The following METTL8 variants were observed in gnomAD, a reference collection of about 807,000 sequenced individuals.
METTL8 encodes the protein tRNA N(3)-cytidine methyltransferase METTL8, mitochondrial.
METTL8 carries 32 observed loss-of-function variants against 48.7 expected under a neutral mutation model. The ratio of observed to expected loss-of-function variants is 0.66; its 90% confidence interval spans 0.50 to 0.88. METTL8 has a LOEUF of 0.88. METTL8 is among the 40% of genes least tolerant of loss of function. The pLI, the probability that METTL8 is intolerant of heterozygous loss-of-function variation, is 0.00. For missense variants in METTL8, 464 were observed against 474.4 expected (o/e 0.98, Z 0.20); for synonymous variants, 136 against 157.1 (o/e 0.87, Z 1.01).
chr2:171,365,501 T>C (rs1301865555), intron 2 of METTL8, among the ~76,000 whole-genome samples: 3 of 152,200 alleles, frequency 2.0e-5, no homozygotes, highest in East Asian at 1.9e-4. Context: ...AGCAAGCCTC[T>C]GATGCTCTGG....
chr2:171,428,186 T>C (rs1408587321), intron 1 of METTL8, among the ~76,000 whole-genome samples: 1 of 152,204 alleles, frequency 6.6e-6, no homozygotes, highest in African/African-American at 2.4e-5. Context: ...CATTTTCCAA[T>C]CATAAAACTG....
chr2:171,324,877 G>C (rs1299615709), intron 9 of METTL8, among the ~76,000 whole-genome samples: 1 of 152,014 alleles, frequency 6.6e-6, no homozygotes, highest in Non-Finnish European at 1.5e-5. Flanking sequence ...GCCTGGCCAG[G>C]GTGAATCACT....
intron 1 of METTL8, among the ~76,000 whole-genome samples, chr2:171,409,625 G>T (rs996944192): frequency 6.6e-6 from 1 of 152,124 alleles, no homozygotes; most frequent in Non-Finnish European, 1.5e-5. Context: ...CATAGATGGG[G>T]AAATTGTCTT....
At chr2:171,334,060 A>G (rs893352583) in intron 5 of METTL8, among the ~76,000 whole-genome samples, 1 of 149,848 alleles carries the variant, frequency 6.7e-6, no homozygotes, top group Admixed American at 6.7e-5. Flanking sequence ...TTAAAAACTA[A>G]CATAGTCCTC....
At chr2:171,403,885 T>C (rs560617277) in intron 1 of METTL8, among the ~76,000 whole-genome samples, 1 of 151,170 alleles carries the variant, frequency 6.6e-6, no homozygotes, top group African/African-American at 2.4e-5. Flanking sequence ...AGTTTGAATA[T>C]TTTCTCATAG....
intron 3 of METTL8, among the ~76,000 whole-genome samples, chr2:171,352,662 T>C (rs1430378538): frequency 1.3e-5 from 2 of 152,234 alleles, no homozygotes; most frequent in Non-Finnish European, 2.9e-5. Context: ...TATTGGTCTA[T>C]TCAGGGATTC....
At chr2:171,330,486 CTT>C in intron 7 of METTL8, 71 bp downstream of exon 7, 1 of 1,425,938 alleles carries the variant, frequency 7.0e-7, no homozygotes, top group South Asian at 1.3e-5. Flanking sequence ...GTCATTTTTG[CTT>C]TGATAGTTCT....
chr2:171,361,826 G>A (rs1685197409), intron 2 of METTL8, among the ~76,000 whole-genome samples: 1 of 152,112 alleles, frequency 6.6e-6, no homozygotes. Flanking sequence ...TCCATCTTGG[G>A]TTTATATTCT....
chr2:171,327,157 T>C (rs1685041670), intron 7 of METTL8: 2 of 152,250 alleles, frequency 1.3e-5, no homozygotes, highest in Non-Finnish European at 2.9e-5. Flanking sequence ...AAGCCCTAGT[T>C]CAACAGCAGG....
chr2:171,384,327 G>C (rs541209198), intron 2 of METTL8, among the ~76,000 whole-genome samples: 1 of 152,108 alleles, frequency 6.6e-6, no homozygotes, highest in Non-Finnish European at 1.5e-5. Flanking sequence ...GGGCAACATG[G>C]TGAAACCCCA....
chr2:171,415,659 C>A (rs1039540765), intron 1 of METTL8, among the ~76,000 whole-genome samples: 6 of 151,904 alleles, frequency 3.9e-5, no homozygotes, highest in Non-Finnish European at 5.9e-5. Context: ...CTAAAATATT[C>A]TTTTTTCTAT....
intron 1 of METTL8, among the ~76,000 whole-genome samples, chr2:171,408,302 T>G (rs1206931619): frequency 2.6e-5 from 4 of 151,742 alleles, no homozygotes; most frequent in East Asian, 1.9e-4. Context: ...TTTTGTTTTT[T>G]TTTTTTTTTG....
chr2:171,413,422 A>G (rs1690953329), intron 1 of METTL8, among the ~76,000 whole-genome samples: 1 of 152,188 alleles, frequency 6.6e-6, no homozygotes, highest in African/African-American at 2.4e-5. Flanking sequence ...AGACATTGAG[A>G]TTTGCAAAAA....
At chr2:171,367,344 A>G (rs542206986) in intron 2 of METTL8, among the ~76,000 whole-genome samples, 1 of 152,262 alleles carries the variant, frequency 6.6e-6, no homozygotes, top group African/African-American at 2.4e-5. Context: ...AAACAATCAT[A>G]ATGAAGGCAA....
intron 2 of METTL8, among the ~76,000 whole-genome samples, chr2:171,367,710 T>C (rs1685868990): frequency 6.6e-6 from 1 of 152,156 alleles, no homozygotes; most frequent in Non-Finnish European, 1.5e-5. Flanking sequence ...ATTATAGCAT[T>C]TACATATAGA....
At chr2:171,329,725 A>C (rs1259857149) in intron 7 of METTL8, among the ~76,000 whole-genome samples, 1 of 152,260 alleles carries the variant, frequency 6.6e-6, no homozygotes, top group Non-Finnish European at 1.5e-5. Context: ...TTAATTGCAA[A>C]GAAATAAGCA....
chr2:171,342,511 A>G (rs1308204455), intron 3 of METTL8, among the ~76,000 whole-genome samples: 3 of 152,174 alleles, frequency 2.0e-5, no homozygotes, highest in African/African-American at 7.2e-5. Flanking sequence ...CTGATATACT[A>G]TGTAAGAAAA....
At chr2:171,372,486 TTATTA>T (rs1686463610) in intron 2 of METTL8, among the ~76,000 whole-genome samples, 2 of 151,888 alleles carry the variant, frequency 1.3e-5, no homozygotes, top group South Asian at 4.2e-4. Flanking sequence ...CTTTTTATTA[TTATTA>T]TTATTATTAT....
At chr2:171,419,415 G>A (rs1559211720) in intron 1 of METTL8, among the ~76,000 whole-genome samples, 3 of 152,050 alleles carry the variant, frequency 2.0e-5, no homozygotes, top group Non-Finnish European at 4.4e-5. Context: ...GATAACTCCA[G>A]CCTTCCCTTC....
Sources: gnomAD v4.1 joint callset for allele counts (sites outside exome capture counted in the v4.1 genomes callset) on GRCh38, gnomAD v4.1.1 for gene constraint, MANE v1.5 for transcripts, NCBI Gene and HGNC (gene_info 2026-07-23, HGNC 2026-07-21) for gene names.